The following DCDC1 variants were observed in gnomAD, a reference collection of about 807,000 sequenced individuals.
DCDC1 encodes doublecortin domain containing 1.
A neutral mutation model predicts 178.3 loss-of-function variants in DCDC1; 200 were observed. The ratio of observed to expected loss-of-function variants is 1.12; its 90% CI spans 1.00 to 1.26. The LOEUF (loss-of-function observed/expected upper bound fraction) is 1.26. Among genes scored for constraint, DCDC1 ranks in the 50% most tolerant of loss-of-function variants. DCDC1 has a pLI of 0.00. For synonymous variants in DCDC1, 690 were observed against 604.8 expected, an observed-to-expected ratio of 1.14 and a Z score of -2.07; for missense variants, 1,983 against 1,749.2, an observed-to-expected ratio of 1.13 and a Z score of -2.38.
chr11:31,003,112 G>T (rs973110934), intron 20 of DCDC1, among the ~76,000 whole-genome samples: 1 of 149,606 alleles, frequency 6.7e-6, no homozygotes, highest in Non-Finnish European at 1.5e-5. Context: ...ATATAATCTA[G>T]ATTTCCATAT....
intron 20 of DCDC1, among the ~76,000 whole-genome samples, chr11:31,020,596 A>C (rs1952804480): frequency 6.6e-6 from 1 of 152,192 alleles, no homozygotes; most frequent in Admixed American, 6.5e-5. Context: ...TTATTTTATA[A>C]TTTTTTAAAA....
chr11:31,014,173 A>C (rs1952340515), intron 20 of DCDC1, among the ~76,000 whole-genome samples: 1 of 152,108 alleles, frequency 6.6e-6, no homozygotes, highest in South Asian at 2.1e-4. Flanking sequence ...CAGACACCAG[A>C]GACATAGCTC....
chr11:31,322,187 A>T (rs1209900212), intron 3 of DCDC1, among the ~76,000 whole-genome samples: 1 of 152,232 alleles, frequency 6.6e-6, no homozygotes, highest in African/African-American at 2.4e-5. Context: ...ACAGGAACTC[A>T]ATCAGTGGTC....
intron 1 of DCDC1, among the ~76,000 whole-genome samples, chr11:31,351,585 T>C (rs1299154722): frequency 6.6e-6 from 1 of 152,144 alleles, no homozygotes; most frequent in Non-Finnish European, 1.5e-5. Flanking sequence ...TAAGTTCTTT[T>C]AATGTAAATT....
chr11:30,997,119 C>T (rs1490189963), intron 20 of DCDC1, among the ~76,000 whole-genome samples: 1 of 152,094 alleles, frequency 6.6e-6, no homozygotes, highest in Admixed American at 6.6e-5. Context: ...TTTTGAATGA[C>T]ATTATGTAAA....
chr11:31,012,255 A>G (rs1952218366), intron 20 of DCDC1, among the ~76,000 whole-genome samples: 1 of 152,138 alleles, frequency 6.6e-6, no homozygotes, highest in Non-Finnish European at 1.5e-5. Context: ...ACATTCTAAT[A>G]CATTATTATA....
At chr11:31,347,898 C>T (rs1469262495) in intron 1 of DCDC1, among the ~76,000 whole-genome samples, 2 of 152,174 alleles carry the variant, frequency 1.3e-5, no homozygotes, top group African/African-American at 2.4e-5. Context: ...TAGGACCTTA[C>T]TGGAGGTCAT....
chr11:31,090,282 C>T (rs763016214), intron 17 of DCDC1, among the ~76,000 whole-genome samples: 22 of 152,248 alleles, frequency 1.4e-4, no homozygotes, highest in Middle Eastern at 3.4e-3. Context: ...CCACACTTGG[C>T]GCTCACTGGC....
chr11:30,944,663 T>G (rs1000096544), intron 21 of DCDC1, among the ~76,000 whole-genome samples: 1 of 152,188 alleles, frequency 6.6e-6, no homozygotes, highest in Non-Finnish European at 1.5e-5. Flanking sequence ...AAATTTGAGT[T>G]TCCCTGCTTG....
intron 7 of DCDC1, among the ~76,000 whole-genome samples, chr11:31,286,423 A>G (rs11822220): frequency 8.2e-4 from 124 of 152,146 alleles, no homozygotes; most frequent in African/African-American, 2.9e-3. Context: ...ATTATATAGC[A>G]CAAATTATGC....
At chr11:30,950,890 G>A (rs1172368076) in intron 21 of DCDC1, among the ~76,000 whole-genome samples, 1 of 151,970 alleles carries the variant, frequency 6.6e-6, no homozygotes, top group Admixed American at 6.6e-5. Flanking sequence ...AATGATAAAT[G>A]CTTGAGGTGA....
At chr11:30,905,202 C>A in intron 30 of DCDC1, 38 bp from the exon 31 acceptor site, 1 of 1,542,674 alleles carries the variant, frequency 6.5e-7, no homozygotes, top group Non-Finnish European at 8.8e-7. Flanking sequence ...TTTACTCAAA[C>A]TTTCTTGTTT....
intron 20 of DCDC1, among the ~76,000 whole-genome samples, chr11:30,969,147 CACACCCTAATTCCTAAA>C (rs1196713164): frequency 6.6e-6 from 1 of 152,100 alleles, no homozygotes; most frequent in African/African-American, 2.4e-5. Flanking sequence ...TAAAGATGCT[CACACCCTAATTCCTAAA>C]ACATGAATAT....
At chr11:31,357,063 G>C (rs1191698337) in intron 1 of DCDC1, among the ~76,000 whole-genome samples, 6 of 151,988 alleles carry the variant, frequency 3.9e-5, no homozygotes, top group Non-Finnish European at 8.8e-5. Context: ...TAGAAAAAGA[G>C]GGAATCCTCC....
At chr11:30,988,746 G>C (rs1011318733) in intron 20 of DCDC1, among the ~76,000 whole-genome samples, 1 of 152,156 alleles carries the variant, frequency 6.6e-6, no homozygotes, top group African/African-American at 2.4e-5. Context: ...ATCTTATAAT[G>C]TTTTAAGAAA....
intron 9 of DCDC1, among the ~76,000 whole-genome samples, chr11:31,226,268 GA>G (rs1395919814): frequency 1.3e-5 from 2 of 150,426 alleles, no homozygotes; most frequent in Admixed American, 1.3e-4. Context: ...AAAGTACCCA[GA>G]AAAAAGGACT....
chr11:31,084,434 G>A (rs1271878503), intron 17 of DCDC1, among the ~76,000 whole-genome samples: 1 of 152,068 alleles, frequency 6.6e-6, no homozygotes. Context: ...AAAGATAAAT[G>A]TGTTTGAAAT....
chr11:30,920,602 G>C (rs1393089007), intron 25 of DCDC1, among the ~76,000 whole-genome samples, 174 bp downstream of exon 25: 2 of 152,096 alleles, frequency 1.3e-5, no homozygotes, highest in Non-Finnish European at 2.9e-5. Context: ...GTTGAACATC[G>C]AAGCTGTAGT....
At chr11:31,213,256 CAGGGTCT>C (rs1973031718) in intron 9 of DCDC1, among the ~76,000 whole-genome samples, 1 of 150,864 alleles carries the variant, frequency 6.6e-6, no homozygotes, top group Admixed American at 6.6e-5. Flanking sequence ...ATTTTCTATT[CAGGGTCT>C]ATTTTCGCCT....
Sources: gnomAD v4.1 joint callset for allele counts (sites outside exome capture counted in the v4.1 genomes callset) on GRCh38, gnomAD v4.1.1 for gene constraint, MANE v1.5 for transcripts, NCBI Gene and HGNC (gene_info 2026-07-23, HGNC 2026-07-21) for gene names.